Variants in DYNC2I2 observed in about 807,000 individuals in gnomAD.
DYNC2I2 encodes the protein cytoplasmic dynein 2 intermediate chain 2.
In DYNC2I2, 39 loss-of-function variants were observed where a neutral mutation model predicts 52.0. The observed-to-expected ratio is 0.75, with a 90% CI of 0.58 to 0.98. The LOEUF is 0.98. Among genes scored for constraint, DYNC2I2 ranks in the 50% least tolerant of loss-of-function variants. The pLI, the probability that DYNC2I2 is intolerant of heterozygous loss-of-function variation, is 0.00. For missense variants in DYNC2I2, 743 were observed against 728.4 expected (o/e 1.02, Z -0.23); for synonymous variants, 359 against 321.1 (o/e 1.12, Z -1.26).
the DYNC2I2 span, among the ~76,000 whole-genome samples, chr9:128,682,988 TAA>T: frequency 1.5e-4 from 20 of 136,818 alleles, no homozygotes; most frequent in African/African-American, 2.2e-4. Context: ...GACCTTGTCT[TAA>T]AAAAAAAAAA....
chr9:128,653,787 G>A (rs534868466), intron 1 of DYNC2I2, among the ~76,000 whole-genome samples: 9 of 152,092 alleles, frequency 5.9e-5, no homozygotes, highest in Non-Finnish European at 8.8e-5. Flanking sequence ...CAAGGCAGGC[G>A]GATCACGAGG....
the DYNC2I2 span, among the ~76,000 whole-genome samples, chr9:128,673,796 G>A: frequency 1.4e-5 from 2 of 146,610 alleles, no homozygotes; most frequent in South Asian, 2.2e-4. Context: ...GTGAGCTACC[G>A]CACCCAGCTA....
the DYNC2I2 span, among the ~76,000 whole-genome samples, chr9:128,668,571 C>CCAGCA: frequency 6.6e-6 from 1 of 151,454 alleles, no homozygotes; most frequent in Non-Finnish European, 1.5e-5. Flanking sequence ...ACCTGTTATC[C>CCAGCA]CAGCATTTTG....
rs561087283 is a variant in DYNC2I2, at chr9:128,635,858, A to AG, written c.704-92dup. 167 of 1,200,528 alleles carry AG rather than the reference A, an allele frequency of 1.4e-4. No individual in the cohort carries two copies. The African/African-American group carries it at 2.4e-3, about 17-fold the overall frequency. 74.4% of individuals were successfully genotyped at this position (1,200,528 alleles called of 1,614,324 possible). ...CCCGCCCCAGCCCACCTACAGGGCC[A>AG]GGGCCAGGGCCAGGCGGCAGAGCCA... On this transcript the variant is annotated intron_variant, in intron 4 of 8. Coordinates refer to ENST00000372715, the MANE Select transcript of DYNC2I2 (RefSeq NM_052844.4).
intron 1 of DYNC2I2, among the ~76,000 whole-genome samples, chr9:128,644,825 C>A (rs1015503527): frequency 6.6e-6 from 1 of 152,232 alleles, no homozygotes; most frequent in South Asian, 2.1e-4. Context: ...TGGCAATTCT[C>A]ACACTATTTC....
At chr9:128,671,067 CAAAAA>C in the DYNC2I2 span, among the ~76,000 whole-genome samples, 2 of 106,888 alleles carry the variant, frequency 1.9e-5, no homozygotes, top group African/African-American at 3.5e-5. Context: ...AACTCCGTCT[CAAAAA>C]AAAAAAAAAA....
chr9:128,679,003 A>G, the DYNC2I2 span, among the ~76,000 whole-genome samples: 1 of 152,056 alleles, frequency 6.6e-6, no homozygotes, highest in African/African-American at 2.4e-5. Flanking sequence ...TGGGAAGCGG[A>G]GGTTGCAGTG....
the DYNC2I2 span, among the ~76,000 whole-genome samples, chr9:128,661,914 C>T: frequency 6.6e-5 from 10 of 151,736 alleles, no homozygotes; most frequent in South Asian, 1.9e-3. Flanking sequence ...TGGTGGCAGG[C>T]GCCTGTAATC....
the DYNC2I2 span, among the ~76,000 whole-genome samples, chr9:128,669,921 C>T: frequency 1.5e-4 from 23 of 152,088 alleles, no homozygotes; most frequent in African/African-American, 3.9e-4. Flanking sequence ...GCTTGTGATC[C>T]GCCAGTCTCG....
chr9:128,640,442 T>C (rs1860491386), intron 2 of DYNC2I2, among the ~76,000 whole-genome samples: 1 of 152,224 alleles, frequency 6.6e-6, no homozygotes, highest in African/African-American at 2.4e-5. Flanking sequence ...ACTCTGGACG[T>C]TACTTCCATA....
rs1305218223 is a variant in DYNC2I2, at chr9:128,640,783, C to T, written c.343G>A (p.Val115Met). The change falls in exon 2 of 9, where the codon GTG becomes ATG. Residue 115 changes from valine to methionine, a missense_variant. Val to Met is a conservative substitution (Grantham distance 21, BLOSUM62 1). Transcript: ENST00000372715. ...AGCTCTCGGATGACCATGGCCTCCA[C>T]TCTCCGAAGAAAGGCTGCGAGCCTG... ...IPRLAAFLRR[V>M]EAMVIRELNK... The T allele has an allele frequency of 6.2e-7, 1 of 1,614,090 alleles. No homozygotes were observed. The highest frequency in any genetic ancestry group is 8.5e-7 in the Non-Finnish European group (1 of 1,180,054).
intron 1 of DYNC2I2, among the ~76,000 whole-genome samples, chr9:128,649,487 G>A (rs189008285): frequency 6.5e-4 from 98 of 151,454 alleles, no homozygotes; most frequent in African/African-American, 2.2e-3. Context: ...TCAGGAGTTC[G>A]AGACCAGCCT....
the DYNC2I2 span, among the ~76,000 whole-genome samples, chr9:128,676,993 C>T: frequency 3.3e-5 from 5 of 151,960 alleles, no homozygotes; most frequent in African/African-American, 9.7e-5. Context: ...GGACTACAGG[C>T]GCCTGCCACC....
At chr9:128,649,426 G>A (rs1860681941) in intron 1 of DYNC2I2, among the ~76,000 whole-genome samples, 1 of 151,992 alleles carries the variant, frequency 6.6e-6, no homozygotes, top group African/African-American at 2.4e-5. Flanking sequence ...CTGGGAGACA[G>A]AACCAGACCA....
upstream of DYNC2I2, among the ~76,000 whole-genome samples, chr9:128,660,013 G>C (rs960300449): frequency 6.7e-5 from 10 of 148,662 alleles, no homozygotes; most frequent in African/African-American, 2.5e-4. Context: ...AGTGCAGTGA[G>C]CCATGATTGC....
At chr9:128,659,899 ACT>A (rs1860898240), upstream of DYNC2I2, among the ~76,000 whole-genome samples, 1 of 150,686 alleles carries the variant, frequency 6.6e-6, no homozygotes, top group African/African-American at 2.4e-5. Context: ...CAAGAGCAAG[ACT>A]CTGTCTCAAA....
intron 1 of DYNC2I2, among the ~76,000 whole-genome samples, chr9:128,645,105 C>T (rs970029292): frequency 2.0e-5 from 3 of 151,940 alleles, no homozygotes; most frequent in Non-Finnish European, 4.4e-5. Flanking sequence ...AATCCCAGCA[C>T]TTTGGGAGGC....
the DYNC2I2 span, among the ~76,000 whole-genome samples, chr9:128,662,237 A>G: frequency 0.017 from 2,474 of 142,058 alleles, 62 homozygotes; most frequent in African/African-American, 0.061. Context: ...CGTCTTGGGG[A>G]AAAAAAAAAA....
At chr9:128,644,812 T>C (rs933807236) in intron 1 of DYNC2I2, among the ~76,000 whole-genome samples, 5 of 152,244 alleles carry the variant, frequency 3.3e-5, no homozygotes, top group Non-Finnish European at 5.9e-5. Flanking sequence ...CTCTGCCACA[T>C]TTTGGCAATT....
Sources: gnomAD v4.1 joint callset for allele counts (sites outside exome capture counted in the v4.1 genomes callset) on GRCh38, gnomAD v4.1.1 for gene constraint, MANE v1.5 for transcripts, NCBI Gene and HGNC (gene_info 2026-07-23, HGNC 2026-07-21) for gene names.